Variants in DNM3 observed in about 807,000 individuals in gnomAD.
DNM3 encodes the protein dynamin-3.
DNM3 carries 47 observed loss-of-function variants against 101.6 expected under a neutral mutation model. The ratio of observed to expected loss-of-function variants is 0.46; its 90% CI spans 0.37 to 0.59. DNM3 has a LOEUF of 0.59. Among genes scored for constraint, DNM3 ranks in the 20% least tolerant of loss-of-function variants. The probability of loss-of-function intolerance (pLI) is 0.00; values close to 1 mark genes in which losing one functional copy is unlikely to be tolerated. For missense variants in DNM3, 849 were observed against 1,085.7 expected (o/e 0.78, Z 3.06); for synonymous variants, 385 against 387.9 (o/e 0.99, Z 0.09).
intron 10 of DNM3, among the ~76,000 whole-genome samples, chr1:172,052,346 A>T (rs1026151780): frequency 6.6e-6 from 1 of 152,024 alleles, no homozygotes; most frequent in South Asian, 2.1e-4. Flanking sequence ...CTGAATCATC[A>T]TCTTCTCCAT....
At chr1:172,092,704 G>C (rs1468726579) in intron 12 of DNM3, 120 bp from the exon 13 acceptor site, 1 of 1,032,180 alleles carries the variant, frequency 9.7e-7, no homozygotes, top group African/African-American at 1.6e-5. Context: ...TGGAATTTTG[G>C]TATTAGGTCT....
In DNM3 at chr1:172,083,112, G is replaced by T. The variant is rs533892069; in HGVS notation, c.1493+1210G>T. 3.3e-5 allele frequency among the ~76,000 whole-genome samples: 5 copies of T among 152,242 alleles called. No homozygotes were observed. The South Asian group carries it at 8.3e-4, about 25-fold the overall frequency. ...CACAGACTTGCCCTCCTCTCTTTTA[G>T]CCCCAAGACTCTCACCATGTGTTCT... On this transcript the variant is annotated intron_variant, in intron 12 of 20. Coordinates refer to ENST00000627582, the MANE Select transcript of DNM3 (RefSeq NM_015569.5).
intron 14 of DNM3, among the ~76,000 whole-genome samples, chr1:172,247,896 G>A (rs2062022312): frequency 6.6e-6 from 1 of 151,730 alleles, no homozygotes; most frequent in Non-Finnish European, 1.5e-5. Context: ...TGTTGGCCAG[G>A]TGGTCTCAAA....
At chr1:172,019,110 TTCTC>T (rs1413258792) in intron 4 of DNM3, among the ~76,000 whole-genome samples, 1 of 150,518 alleles carries the variant, frequency 6.6e-6, no homozygotes, top group Non-Finnish European at 1.5e-5. Context: ...CTTCTTTACT[TTCTC>T]TCTCTCCTTC....
At chr1:172,172,685 T>G (rs886434871) in intron 14 of DNM3, among the ~76,000 whole-genome samples, 1 of 151,684 alleles carries the variant, frequency 6.6e-6, no homozygotes, top group Non-Finnish European at 1.5e-5. Flanking sequence ...AAGGGTACAG[T>G]TCTATGTAAA....
chr1:172,240,026 G>A lies in DNM3; in HGVS notation c.1660-13547G>A, dbSNP rs114656272. 4.1e-3 allele frequency among the ~76,000 whole-genome samples: 627 copies of A among 151,966 alleles called. 10 individuals are homozygous for A. Among genetic ancestry groups the A allele is most frequent in the African/African-American group, 0.014 (589 of 41,472 alleles). Reference sequence around the variant, plus strand: ...GCTGAGTCTCAGAAGGCACATGGAAGGGGCCCCCTTTTCCCTATTCTATCC... The same window carrying A: ...GCTGAGTCTCAGAAGGCACATGGAAAGGGCCCCCTTTTCCCTATTCTATCC... On this transcript the variant is annotated intron_variant, in intron 14 of 20. Coordinates refer to ENST00000627582, the MANE Select transcript of DNM3 (RefSeq NM_015569.5).
intron 14 of DNM3, among the ~76,000 whole-genome samples, chr1:172,188,562 T>C (rs1288221041): frequency 6.6e-6 from 1 of 152,124 alleles, no homozygotes; most frequent in Non-Finnish European, 1.5e-5. Flanking sequence ...CCACAGTTTG[T>C]TTACCCATTC....
intron 15 of DNM3, among the ~76,000 whole-genome samples, chr1:172,256,074 G>A (rs1241754385): frequency 6.6e-6 from 1 of 152,018 alleles, no homozygotes; most frequent in Non-Finnish European, 1.5e-5. Flanking sequence ...AATTTAGTTA[G>A]GTCACAATGT....
At chr1:172,083,277 T>C (rs2053288620) in intron 12 of DNM3, among the ~76,000 whole-genome samples, 1 of 151,634 alleles carries the variant, frequency 6.6e-6, no homozygotes, top group East Asian at 1.9e-4. Flanking sequence ...CTATAGTGGG[T>C]GGGGGGGGAA....
At chr1:172,106,454 G>A (rs1272530317) in intron 13 of DNM3, among the ~76,000 whole-genome samples, 1 of 151,992 alleles carries the variant, frequency 6.6e-6, no homozygotes, top group African/African-American at 2.4e-5. Flanking sequence ...AAGAAATTTA[G>A]GTGGGTGGGA....
At chr1:172,047,604 A>G (rs2049908475) in intron 9 of DNM3, among the ~76,000 whole-genome samples, 1 of 152,194 alleles carries the variant, frequency 6.6e-6, no homozygotes, top group African/African-American at 2.4e-5. Flanking sequence ...AACAGTTTGG[A>G]TTTGATTCTG....
At chr1:172,402,870 T>G (rs2149116921) in intron 20 of DNM3, among the ~76,000 whole-genome samples, 1 of 152,316 alleles carries the variant, frequency 6.6e-6, no homozygotes, top group East Asian at 1.9e-4. Flanking sequence ...TCTCTTTTTG[T>G]TTTTACTTTA....
chr1:172,103,248 A>G (rs1306379942), intron 13 of DNM3, among the ~76,000 whole-genome samples: 1 of 152,194 alleles, frequency 6.6e-6, no homozygotes, highest in Non-Finnish European at 1.5e-5. Context: ...AAAAATAAAA[A>G]TAGACAAATA....
chr1:172,175,210 GA>G (rs1266054521), intron 14 of DNM3, among the ~76,000 whole-genome samples: 3 of 151,830 alleles, frequency 2.0e-5, no homozygotes, highest in South Asian at 4.2e-4. Flanking sequence ...CCTACTTTTG[GA>G]AAAATAATGA....
intron 14 of DNM3, among the ~76,000 whole-genome samples, chr1:172,174,249 A>AT (rs1003914988): frequency 6.0e-5 from 9 of 150,882 alleles, no homozygotes; most frequent in East Asian, 1.9e-4. Context: ...GTATAGAATG[A>AT]TTTTTTTTTC....
chr1:171,964,995 A>G (rs1459684724), intron 2 of DNM3, among the ~76,000 whole-genome samples: 1 of 152,114 alleles, frequency 6.6e-6, no homozygotes, highest in East Asian at 1.9e-4. Context: ...GTGTCCTACA[A>G]TTTAATTCAA....
chr1:172,166,544 G>A (rs2058750968), intron 14 of DNM3, among the ~76,000 whole-genome samples: 2 of 152,108 alleles, frequency 1.3e-5, no homozygotes, highest in Admixed American at 6.6e-5. Flanking sequence ...ATCAAGTTAG[G>A]ATTAGACCTG....
intron 1 of DNM3, among the ~76,000 whole-genome samples, chr1:171,903,196 A>C (rs554200193): frequency 6.6e-6 from 1 of 152,062 alleles, no homozygotes; most frequent in Non-Finnish European, 1.5e-5. Context: ...AAAGGGTTTA[A>C]TTAGGGGTGA....
chr1:172,155,921 T>C (rs1572753752), intron 14 of DNM3, among the ~76,000 whole-genome samples: 1 of 152,032 alleles, frequency 6.6e-6, no homozygotes, highest in African/African-American at 2.4e-5. Flanking sequence ...GGCAGTAGAG[T>C]GCAGTGACTG....
Sources: allele counts gnomAD v4.1 joint callset (sites outside exome capture counted in the v4.1 genomes callset), GRCh38; gene constraint gnomAD v4.1.1; transcripts MANE v1.5; gene names NCBI Gene and HGNC (gene_info 2026-07-23, HGNC 2026-07-21).